The following KCTD3 variants were observed in gnomAD, a reference collection of about 807,000 sequenced individuals.
The protein encoded by KCTD3 is BTB/POZ domain-containing protein KCTD3.
KCTD3 carries 41 observed loss-of-function variants against 85.8 expected under a neutral mutation model. The ratio of observed to expected loss-of-function variants is 0.48; its 90% CI spans 0.37 to 0.62. The LOEUF is 0.62. Among genes scored for constraint, KCTD3 ranks in the 20% least tolerant of loss-of-function variants. The pLI is 0.00. For synonymous variants in KCTD3, 338 were observed against 345.4 expected, an observed-to-expected ratio of 0.98 and a Z score of 0.24; for missense variants, 724 against 989.9, an observed-to-expected ratio of 0.73 and a Z score of 3.60.
At chr1:215,599,945 T>C (rs1654769718) in intron 10 of KCTD3, among the ~76,000 whole-genome samples, 1 of 151,736 alleles carries the variant, frequency 6.6e-6, no homozygotes, top group Non-Finnish European at 1.5e-5. Context: ...CTCATGGCCT[T>C]ATCTGTCCCC....
chr1:215,587,866 T>C (rs568746740), intron 9 of KCTD3, among the ~76,000 whole-genome samples: 1 of 152,338 alleles, frequency 6.6e-6, no homozygotes, highest in East Asian at 1.9e-4. Flanking sequence ...ATACATGCTT[T>C]TATAAGATGT....
At chr1:215,596,477 T>C (rs893058798) in intron 10 of KCTD3, among the ~76,000 whole-genome samples, 4 of 152,078 alleles carry the variant, frequency 2.6e-5, no homozygotes, top group African/African-American at 9.7e-5. Flanking sequence ...AAAGTCAAAA[T>C]TAGAACTCTG....
chr1:215,620,009 A>C, intron 17 of KCTD3, 48 bp from the exon 18 acceptor site: 1 of 1,386,038 alleles, frequency 7.2e-7, no homozygotes, highest in South Asian at 1.4e-5. Flanking sequence ...GTTCCTGAGA[A>C]ATCACAGAGT....
At chr1:215,578,776 A>G (rs1162576234) in intron 6 of KCTD3, among the ~76,000 whole-genome samples, 2 of 152,180 alleles carry the variant, frequency 1.3e-5, no homozygotes, top group Non-Finnish European at 2.9e-5. Context: ...AAACAGTATG[A>G]CAATACCAGA....
At position 215,620,944 on chromosome 1, in the gene KCTD3, G is replaced by A. The variant is rs2102613691; in HGVS notation, c.*326G>A. ...GCCCATATAGGTGAGCATCCCTTTA[G>A]ATCATGGGAACCAGCAGACTGCATT... On this transcript the variant is annotated 3_prime_UTR_variant, in exon 18 of 18. Transcript: ENST00000259154. The A allele has an allele frequency of 3.4e-6, 1 of 296,716 alleles. No homozygotes were observed. Among genetic ancestry groups the A allele is most frequent in the East Asian group, 5.5e-5 (1 of 18,086 alleles). The allele number at this position is 296,716 out of a possible 1,614,324, so 18.4% of individuals were successfully genotyped here. A position where few individuals can be genotyped will look rare whatever the true frequency, so the allele number is the denominator to read the frequency against.
intron 15 of KCTD3, among the ~76,000 whole-genome samples, chr1:215,615,551 T>C (rs1275121311): frequency 1.3e-5 from 2 of 149,164 alleles, no homozygotes; most frequent in Non-Finnish European, 3.0e-5. Flanking sequence ...ACCCGGGAGA[T>C]GGAGCTTGCA....
chr1:215,573,730 T>C, intron 1 of KCTD3, 56 bp from the exon 2 acceptor site: 1 of 1,021,030 alleles, frequency 9.8e-7, no homozygotes, highest in Non-Finnish European at 1.5e-6. Flanking sequence ...AGTTAACTAA[T>C]ACTGAAATTT....
At chr1:215,591,287 T>A (rs970923657) in intron 9 of KCTD3, among the ~76,000 whole-genome samples, 1 of 110,932 alleles carries the variant, frequency 9.0e-6, no homozygotes, top group East Asian at 2.5e-4. Context: ...TCCTTCCTTC[T>A]TTCCTTCCTT....
intron 4 of KCTD3, among the ~76,000 whole-genome samples, chr1:215,576,567 A>T (rs972826296): frequency 2.6e-5 from 4 of 151,942 alleles, no homozygotes; most frequent in African/African-American, 9.7e-5. Flanking sequence ...GTTAACACAA[A>T]TAGTTTCGAA....
intron 9 of KCTD3, among the ~76,000 whole-genome samples, chr1:215,592,914 C>T (rs1429137358): frequency 6.6e-6 from 1 of 152,138 alleles, no homozygotes; most frequent in Non-Finnish European, 1.5e-5. Flanking sequence ...CACTGGTGCT[C>T]AGGATTGTTT....
At position 215,618,611 on chromosome 1, in the gene KCTD3, T is replaced by A. The variant is rs1174199202; in HGVS notation, c.1563-275T>A. 1.0e-4 allele frequency: 28 copies of A among 279,572 alleles called. 1 individual carries two copies. In the Admixed American group the frequency reaches 1.4e-3, roughly 14 times the overall value. 17.3% of individuals were successfully genotyped at this position (279,572 alleles called of 1,614,324 possible). A position where few individuals can be genotyped will look rare whatever the true frequency, so the allele number is the denominator to read the frequency against. ...AAAATTGTTCTCTCTCAGGTTCTTT[T>A]ATCTTTTATGAAAATCAACTAAAAA... On this transcript the variant is annotated intron_variant, in intron 15 of 17. Coordinates refer to ENST00000259154, the MANE Select transcript of KCTD3 (RefSeq NM_016121.5).
chr1:215,616,725 A>G (rs1353867315), intron 15 of KCTD3, among the ~76,000 whole-genome samples: 1 of 152,218 alleles, frequency 6.6e-6, no homozygotes, highest in African/African-American at 2.4e-5. Context: ...ACGCCATTGC[A>G]CTCCAGCCTG....
chr1:215,579,931 G>A lies in KCTD3; in HGVS notation c.558G>A (p.Lys186=). 1 of 1,613,326 alleles carries A rather than the reference G, an allele frequency of 6.2e-7. No individual in the cohort carries two copies. Among genetic ancestry groups the A allele is most frequent in the Non-Finnish European group, 8.5e-7 (1 of 1,179,242 alleles). The change falls in exon 8 of 18, where the codon AAG becomes AAA. Residue 186 remains lysine, a synonymous_variant. Transcript: ENST00000259154. ...CAGGATTTCCTGTGGATCCACGAAAGGTGCTAATAGTAGCTGGCCATCACA... is the reference window on the plus strand; with the variant it reads ...CAGGATTTCCTGTGGATCCACGAAAAGTGCTAATAGTAGCTGGCCATCACA... ...VRLGFPVDPR[K]VLIVAGHHNW...
At chr1:215,613,865 T>G (rs1453997191) in intron 15 of KCTD3, among the ~76,000 whole-genome samples, 2 of 152,062 alleles carry the variant, frequency 1.3e-5, no homozygotes, top group Non-Finnish European at 2.9e-5. Context: ...ATGTGTTTGT[T>G]TTTGTACCGG....
intron 1 of KCTD3, among the ~76,000 whole-genome samples, chr1:215,568,005 T>G (rs1659208587): frequency 6.6e-6 from 1 of 152,210 alleles, no homozygotes; most frequent in Non-Finnish European, 1.5e-5. Context: ...CAGGCCCATG[T>G]GGCAGAGTAG....
At chr1:215,604,413 A>G (rs1654937323) in intron 13 of KCTD3, 111 bp downstream of exon 13, 12 of 821,866 alleles carry the variant, frequency 1.5e-5, no homozygotes, top group Non-Finnish European at 2.1e-5. Context: ...GAAGTACTAG[A>G]AAAGTTTAAT....
chr1:215,615,622 GAA>G lies in KCTD3; in HGVS notation c.1563-3251_1563-3250del, dbSNP rs538816906. 8.7e-5 allele frequency among the ~76,000 whole-genome samples: 8 copies of G among 91,630 alleles called. 1 individual carries two copies. Among genetic ancestry groups the G allele is most frequent in the African/African-American group, 2.0e-4 (5 of 24,600 alleles). The allele number at this position is 91,630 out of a possible 152,430, so 60.1% of individuals were successfully genotyped here. A position where few individuals can be genotyped will look rare whatever the true frequency, so the allele number is the denominator to read the frequency against. ...GCGACAGAGCAGGCCTCCGTCTCAA[GAA>G]AAAAAAAAAAAAGAAATCTGCATAG... On this transcript the variant is annotated intron_variant, in intron 15 of 17. Transcript: ENST00000259154.
At chr1:215,583,964 G>A (rs1659921011) in intron 8 of KCTD3, among the ~76,000 whole-genome samples, 1 of 152,126 alleles carries the variant, frequency 6.6e-6, no homozygotes, top group Non-Finnish European at 1.5e-5. Context: ...CAATAACAAG[G>A]CAAAATAAGT....
chr1:215,617,311 A>G (rs1326584088), intron 15 of KCTD3, among the ~76,000 whole-genome samples: 2 of 152,200 alleles, frequency 1.3e-5, no homozygotes, highest in African/African-American at 4.8e-5. Flanking sequence ...ACAGTCAGTC[A>G]GTTAGAAGCA....
Sources: allele counts gnomAD v4.1 joint callset (sites outside exome capture counted in the v4.1 genomes callset), GRCh38; gene constraint gnomAD v4.1.1; transcripts MANE v1.5; gene names NCBI Gene and HGNC (gene_info 2026-07-23, HGNC 2026-07-21).